Variants in ELMO1 observed in about 807,000 individuals in gnomAD.
ELMO1 encodes the protein engulfment and cell motility 1.
Under a neutral mutation model 98.9 loss-of-function variants are expected in ELMO1, and 26 were observed. That is an observed-to-expected ratio of 0.26 (90% CI 0.19 to 0.36). The LOEUF is 0.36. ELMO1 is among the 10% of genes least tolerant of loss of function. The pLI, the probability that ELMO1 is intolerant of heterozygous loss-of-function variation, is 1.00. For missense variants in ELMO1, 627 were observed against 935.2 expected (o/e 0.67, Z 4.30); for synonymous variants, 346 against 346.0 (o/e 1.00, Z 0.00).
chr7:36,929,616 T>C (rs921148786), intron 16 of ELMO1, among the ~76,000 whole-genome samples: 3 of 152,194 alleles, frequency 2.0e-5, no homozygotes, highest in African/African-American at 4.8e-5. Context: ...TCAGCACTCA[T>C]ATAATACTTG....
chr7:37,180,309 C>T (rs2129975502), intron 13 of ELMO1, among the ~76,000 whole-genome samples: 1 of 152,236 alleles, frequency 6.6e-6, no homozygotes, highest in East Asian at 1.9e-4. Flanking sequence ...ATCAATGCTC[C>T]TAAGTTTAGC....
In ELMO1 at chr7:36,855,511, T is replaced by C; in HGVS notation, c.*40A>G. ...TCATTCCTCTCTCCTGTTAGCTAGGTGTTCCAGTTTTGGAAGGGGCATGTC... is the reference window on the plus strand; with the variant it reads ...TCATTCCTCTCTCCTGTTAGCTAGGCGTTCCAGTTTTGGAAGGGGCATGTC... On this transcript the variant is annotated 3_prime_UTR_variant, in exon 22 of 22. Transcript: ENST00000310758. The surrounding 1 kb of genome is among the most constrained non-coding windows in gnomAD (Gnocchi z 4.2). 7 of 1,611,360 alleles carry C rather than the reference T, an allele frequency of 4.3e-6. No individual in the cohort carries two copies. The highest frequency in any genetic ancestry group is 1.3e-5 in the African/African-American group (1 of 74,976).
chr7:37,414,689 A>C (rs904581574), intron 1 of ELMO1, among the ~76,000 whole-genome samples: 4 of 152,174 alleles, frequency 2.6e-5, no homozygotes, highest in Admixed American at 2.0e-4. Flanking sequence ...CCATACCTCT[A>C]ATCTTTTCAA....
At chr7:37,222,385 T>C (rs1354767518) in intron 10 of ELMO1, among the ~76,000 whole-genome samples, 1 of 152,188 alleles carries the variant, frequency 6.6e-6, no homozygotes, top group Non-Finnish European at 1.5e-5. Context: ...GGAACACTCC[T>C]AGCATCCCTC....
chr7:37,414,298 G>A (rs1314201000), intron 1 of ELMO1, among the ~76,000 whole-genome samples: 2 of 152,130 alleles, frequency 1.3e-5, no homozygotes, highest in Admixed American at 6.5e-5. Flanking sequence ...TATCCTGCTG[G>A]AAAATCTTTC....
intron 5 of ELMO1, among the ~76,000 whole-genome samples, chr7:37,259,777 C>T (rs986474827): frequency 3.3e-5 from 5 of 152,176 alleles, no homozygotes; most frequent in Admixed American, 1.3e-4. Flanking sequence ...CACGCTCACC[C>T]GTTCAGTCAA....
rs564519471 is a variant in ELMO1 at position 36,855,893 on chromosome 7, G to A, written c.1984-142C>T. ...CCTACTTCGTCATTTCATATTTGGC[G>A]ACATCTCAATATAAAGTCGATACTT... On this transcript the variant is annotated intron_variant, in intron 21 of 21. Coordinates refer to ENST00000310758, the MANE Select transcript of ELMO1 (RefSeq NM_014800.11). The surrounding 1 kb of genome is among the most constrained non-coding windows in gnomAD (Gnocchi z 4.2). 236 of 925,754 alleles carry A rather than the reference G, an allele frequency of 2.5e-4. 1 individual carries two copies. The African/African-American group carries it at 3.5e-3, about 14-fold the overall frequency. 57.3% of individuals were successfully genotyped at this position (925,754 alleles called of 1,614,324 possible).
At chr7:37,049,775 T>TTG (rs1795999136) in intron 15 of ELMO1, among the ~76,000 whole-genome samples, 1 of 145,496 alleles carries the variant, frequency 6.9e-6, no homozygotes, top group African/African-American at 2.6e-5. Context: ...TTTGTTTTGT[T>TTG]TCTTTTTTTT....
At chr7:37,041,309 A>G (rs1468283129) in intron 15 of ELMO1, among the ~76,000 whole-genome samples, 1 of 152,226 alleles carries the variant, frequency 6.6e-6, no homozygotes, top group African/African-American at 2.4e-5. Flanking sequence ...TTTTATAGCC[A>G]TAACCTGAAC....
At chr7:37,165,473 T>C (rs11773854) in intron 13 of ELMO1, among the ~76,000 whole-genome samples, 147,978 of 151,826 alleles carry the variant, frequency 0.97, 72,224 homozygotes, top group East Asian at 1. Context: ...GGCTGTGGGT[T>C]TGTCATAAAT....
intron 15 of ELMO1, among the ~76,000 whole-genome samples, chr7:37,092,418 G>T (rs965981653): frequency 8.3e-6 from 1 of 121,164 alleles, no homozygotes; most frequent in Non-Finnish European, 1.6e-5. Flanking sequence ...TCGCTCTGTC[G>T]CCCAGGCTGG....
intron 13 of ELMO1, among the ~76,000 whole-genome samples, chr7:37,195,744 T>C (rs1791927251): frequency 6.6e-6 from 1 of 152,216 alleles, no homozygotes; most frequent in African/African-American, 2.4e-5. Flanking sequence ...CCCTGAACTT[T>C]AAAAGCTGTA....
chr7:37,061,051 G>C (rs1253965316), intron 15 of ELMO1, among the ~76,000 whole-genome samples: 1 of 152,200 alleles, frequency 6.6e-6, no homozygotes, highest in African/African-American at 2.4e-5. Flanking sequence ...GATGATACCT[G>C]TCACAACCTT....
At position 36,941,404 on chromosome 7, in the gene ELMO1, T is replaced by C. The variant is rs372712420; in HGVS notation, c.1438-46387A>G. ...TGGGTTACACAGGTTCCACGATGTG[T>C]TGGGTGGGGCAGAAGAAAGAAAGGG... is the stretch of plus-strand genomic sequence containing the variant. On this transcript the variant is annotated intron_variant, in intron 16 of 21. Transcript: ENST00000310758. Among the ~76,000 whole-genome samples, 26 of 152,316 alleles carry C rather than the reference T, an allele frequency of 1.7e-4. No individual in the cohort carries two copies. In the South Asian group the frequency reaches 5.0e-3, roughly 29 times the overall value.
chr7:36,961,691 T>C (rs1788965324), intron 16 of ELMO1, among the ~76,000 whole-genome samples: 1 of 152,154 alleles, frequency 6.6e-6, no homozygotes, highest in African/African-American at 2.4e-5. Flanking sequence ...GAAACACAAA[T>C]CATTAAATAG....
chr7:37,158,907 T>A (rs930348191), intron 13 of ELMO1, among the ~76,000 whole-genome samples: 1 of 152,230 alleles, frequency 6.6e-6, no homozygotes, highest in South Asian at 2.1e-4. Context: ...CCAACCCAAA[T>A]ATCCATCAAT....
At chr7:37,442,687 G>A (rs1805458389) in intron 1 of ELMO1, among the ~76,000 whole-genome samples, 1 of 152,204 alleles carries the variant, frequency 6.6e-6, no homozygotes, top group African/African-American at 2.4e-5. Flanking sequence ...TACCCAAAGA[G>A]AGGGATTGAC....
rs759325198 is a variant in ELMO1 at position 37,342,739 on chromosome 7, C to T, written c.-49G>A. On this transcript the variant is annotated 5_prime_UTR_variant, in exon 2 of 22. Transcript: ENST00000310758. The surrounding 1 kb of genome is among the most constrained non-coding windows in gnomAD (Gnocchi z 4.3). ...GCCAGTGGGAATGAGGATCCTACAG[C>T]GTAAACGGCCACACGTGTCTATACC... is the stretch of plus-strand genomic sequence containing the variant. The T allele has an allele frequency of 5.3e-5, 80 of 1,521,242 alleles. No homozygotes were observed. The highest frequency in any genetic ancestry group is 7.7e-5 in the Admixed American group (4 of 51,692). The allele number at this position is 1,521,242 out of a possible 1,614,324, so 94.2% of individuals were successfully genotyped here. A position where few individuals can be genotyped will look rare whatever the true frequency, so the allele number is the denominator to read the frequency against.
chr7:37,162,838 G>T (rs543344042), intron 13 of ELMO1, among the ~76,000 whole-genome samples: 8 of 152,220 alleles, frequency 5.3e-5, no homozygotes, highest in South Asian at 2.1e-4. Context: ...AACACATAGG[G>T]TTCTTTTTTC....
Sources: gnomAD v4.1 joint callset for allele counts (sites outside exome capture counted in the v4.1 genomes callset) on GRCh38, gnomAD v4.1.1 for gene constraint, Gnocchi (gnomAD v3.1) non-coding constraint, MANE v1.5 for transcripts, NCBI Gene and HGNC (gene_info 2026-07-23, HGNC 2026-07-21) for gene names.